The following SMARCC1 variants were observed in gnomAD, a reference collection of about 807,000 sequenced individuals.
SMARCC1 encodes SWI/SNF complex subunit SMARCC1.
SMARCC1 carries 43 observed loss-of-function variants against 147.4 expected under a neutral mutation model. That is an observed-to-expected ratio of 0.29 (90% CI 0.23 to 0.38). The LOEUF (loss-of-function observed/expected upper bound fraction) is 0.38, where lower values mean the gene tolerates loss of function less well. Ranked by LOEUF, SMARCC1 falls within the 10% of genes least tolerant of loss-of-function variation. SMARCC1 has a pLI of 1.00. For missense variants in SMARCC1, 1,119 were observed against 1,381.1 expected, an observed-to-expected ratio of 0.81 and a Z score of 3.01; for synonymous variants, 495 against 484.4, an observed-to-expected ratio of 1.02 and a Z score of -0.29.
At chr3:47,632,624 T>TA (rs902427192) in intron 24 of SMARCC1, among the ~76,000 whole-genome samples, 2 of 151,818 alleles carry the variant, frequency 1.3e-5, no homozygotes, top group African/African-American at 4.8e-5. Flanking sequence ...CCAGCCTGGG[T>TA]AACATGGCAA....
chr3:47,588,368 C>T (rs1261475776), intron 27 of SMARCC1, 62 bp from the exon 28 acceptor site: 1 of 1,488,498 alleles, frequency 6.7e-7, no homozygotes, highest in Non-Finnish European at 9.3e-7. Flanking sequence ...AGGAAAGAGC[C>T]TATTCAGTGA....
At chr3:47,711,582 A>G (rs2034085436) in intron 8 of SMARCC1, among the ~76,000 whole-genome samples, 2 of 152,224 alleles carry the variant, frequency 1.3e-5, no homozygotes. Context: ...TCAAGAACAG[A>G]TTACAATTAT....
intron 26 of SMARCC1, among the ~76,000 whole-genome samples, chr3:47,605,492 C>T (rs561987514): frequency 1.3e-5 from 2 of 152,308 alleles, no homozygotes; most frequent in African/African-American, 4.8e-5. Context: ...CCAGATGTGG[C>T]CGGGCATGGT....
chr3:47,597,884 G>A (rs916927407), intron 26 of SMARCC1, among the ~76,000 whole-genome samples: 22 of 152,204 alleles, frequency 1.4e-4, no homozygotes, highest in Non-Finnish European at 2.5e-4. Context: ...TGTGAAGATG[G>A]GATGACGTGA....
chr3:47,740,222 C>T (rs1369771790), intron 3 of SMARCC1, among the ~76,000 whole-genome samples: 1 of 107,298 alleles, frequency 9.3e-6, no homozygotes, highest in African/African-American at 3.4e-5. Flanking sequence ...AAAAGACAGA[C>T]TCTCGCCCTG....
At chr3:47,661,082 T>A (rs1559637733) in intron 21 of SMARCC1, among the ~76,000 whole-genome samples, 1 of 152,152 alleles carries the variant, frequency 6.6e-6, no homozygotes, top group Non-Finnish European at 1.5e-5. Flanking sequence ...AATTCACAAC[T>A]GTAATACCAT....
rs190137185 is a variant in SMARCC1, at chr3:47,726,260, A to T, written c.646+2765T>A. Among the ~76,000 whole-genome samples, 794 of 151,882 alleles carry T rather than the reference A, an allele frequency of 5.2e-3. 6 individuals are homozygous for T. Among genetic ancestry groups the T allele is most frequent in the African/African-American group, 0.018 (749 of 41,452 alleles). On this transcript the variant is annotated intron_variant, in intron 6 of 27. Coordinates refer to ENST00000254480, the MANE Select transcript of SMARCC1 (RefSeq NM_003074.4). ...ATTTAATAATAATGTAAAATAATTT[A>T]AAAAATAAAAATAAAGAGAGAACAT...
At chr3:47,654,477 C>T (rs2033232553) in intron 21 of SMARCC1, among the ~76,000 whole-genome samples, 1 of 152,126 alleles carries the variant, frequency 6.6e-6, no homozygotes. Flanking sequence ...GTGTAACCAA[C>T]GTTAAGAAGA....
chr3:47,700,174 T>C (rs532068516), intron 11 of SMARCC1, among the ~76,000 whole-genome samples: 1 of 151,818 alleles, frequency 6.6e-6, no homozygotes, highest in East Asian at 1.9e-4. Context: ...CAATAAAGTA[T>C]ATTAAAAAAA....
chr3:47,764,604 T>C (rs1268541828), intron 2 of SMARCC1, among the ~76,000 whole-genome samples: 9 of 152,140 alleles, frequency 5.9e-5, no homozygotes, highest in African/African-American at 1.7e-4. Context: ...CCTGGAATAC[T>C]AGTCCATGTC....
At chr3:47,653,741 T>C (rs916004098) in intron 21 of SMARCC1, among the ~76,000 whole-genome samples, 2 of 152,204 alleles carry the variant, frequency 1.3e-5, no homozygotes, top group African/African-American at 4.8e-5. Flanking sequence ...TTGAAATATT[T>C]ATGTTATGGT....
chr3:47,698,403 G>A (rs2033880011), intron 11 of SMARCC1, among the ~76,000 whole-genome samples: 1 of 152,048 alleles, frequency 6.6e-6, no homozygotes, highest in African/African-American at 2.4e-5. Context: ...AAAAATGTCT[G>A]CTTTCTAAAC....
intron 2 of SMARCC1, among the ~76,000 whole-genome samples, chr3:47,769,339 ACT>A (rs1268575354): frequency 2.7e-5 from 4 of 150,104 alleles, no homozygotes; most frequent in Non-Finnish European, 5.9e-5. Flanking sequence ...AGATGGTGAA[ACT>A]CTGTGTCTAC....
At chr3:47,706,928 C>T (rs2034000835) in intron 9 of SMARCC1, among the ~76,000 whole-genome samples, 1 of 152,184 alleles carries the variant, frequency 6.6e-6, no homozygotes, top group Admixed American at 6.5e-5. Flanking sequence ...GAAAATGTAG[C>T]ATTATAGGAA....
At chr3:47,598,595 T>A (rs1371205216) in intron 26 of SMARCC1, among the ~76,000 whole-genome samples, 1 of 151,928 alleles carries the variant, frequency 6.6e-6, no homozygotes, top group Non-Finnish European at 1.5e-5. Context: ...TTTGGGAGGC[T>A]GAGGTGGGTG....
At chr3:47,698,323 A>G (rs1017298886) in intron 11 of SMARCC1, among the ~76,000 whole-genome samples, 11 of 152,168 alleles carry the variant, frequency 7.2e-5, no homozygotes, top group African/African-American at 2.7e-4. Context: ...AATTGATGAA[A>G]CATCTATTGT....
At chr3:47,688,001 T>C (rs2033746047) in intron 13 of SMARCC1, among the ~76,000 whole-genome samples, 1 of 152,184 alleles carries the variant, frequency 6.6e-6, no homozygotes, top group Non-Finnish European at 1.5e-5. Context: ...GGCTCACACA[T>C]GTAATCCCAG....
At chr3:47,728,026 C>G (rs1205190304) in intron 6 of SMARCC1, among the ~76,000 whole-genome samples, 1 of 147,908 alleles carries the variant, frequency 6.8e-6, no homozygotes, top group African/African-American at 2.5e-5. Flanking sequence ...TCCAGAGGAG[C>G]TGGAATACAG....
chr3:47,641,173 A>G (rs1207563721), intron 21 of SMARCC1, among the ~76,000 whole-genome samples: 1 of 152,228 alleles, frequency 6.6e-6, no homozygotes, highest in African/African-American at 2.4e-5. Context: ...TACAGGCCAA[A>G]GCCAACACAG....
Sources: gnomAD v4.1 joint callset for allele counts (sites outside exome capture counted in the v4.1 genomes callset) on GRCh38, gnomAD v4.1.1 for gene constraint, MANE v1.5 for transcripts, NCBI Gene and HGNC (gene_info 2026-07-23, HGNC 2026-07-21) for gene names.